ARMH3: variants seen among roughly 807,000 people sequenced by gnomAD.
The protein encoded by ARMH3 is armadillo-like helical domain-containing protein 3.
In ARMH3, 60 loss-of-function variants were observed where a neutral mutation model predicts 99.1. The observed-to-expected ratio is 0.61, with a 90% confidence interval of 0.49 to 0.75. The LOEUF is 0.75. Among genes scored for constraint, ARMH3 ranks in the 30% least tolerant of loss-of-function variants. ARMH3 has a pLI of 0.00. For synonymous variants in ARMH3, 285 were observed against 292.8 expected (o/e 0.97, Z 0.27); for missense variants, 679 against 843.1 (o/e 0.81, Z 2.41).
chr10:101,915,988 T>C (rs2135573380), intron 23 of ARMH3, among the ~76,000 whole-genome samples: 1 of 152,096 alleles, frequency 6.6e-6, no homozygotes, highest in East Asian at 1.9e-4. Context: ...GTATTTTTAG[T>C]AGAGACGGGG....
chr10:101,918,858 T>C (rs543244336), intron 23 of ARMH3, among the ~76,000 whole-genome samples: 60 of 152,208 alleles, frequency 3.9e-4, no homozygotes, highest in Non-Finnish European at 6.6e-4. Context: ...AGTAGAACAC[T>C]GATTTCTGAT....
chr10:102,032,736 C>A (rs529659497), intron 4 of ARMH3, among the ~76,000 whole-genome samples: 1 of 152,086 alleles, frequency 6.6e-6, no homozygotes, highest in East Asian at 1.9e-4. Context: ...TCATTCTTGC[C>A]TCAGTTTCCT....
At chr10:101,913,845 T>C (rs921602132) in intron 23 of ARMH3, among the ~76,000 whole-genome samples, 5 of 152,214 alleles carry the variant, frequency 3.3e-5, no homozygotes, top group African/African-American at 1.2e-4. Flanking sequence ...TAAGCAGTGG[T>C]CTGTCATCTC....
At chr10:101,946,613 C>A (rs915088172) in intron 22 of ARMH3, among the ~76,000 whole-genome samples, 1 of 151,838 alleles carries the variant, frequency 6.6e-6, no homozygotes, top group African/African-American at 2.4e-5. Flanking sequence ...TAATTAAATA[C>A]GAAGAATAGA....
At chr10:101,955,896 G>A (rs573963041) in intron 22 of ARMH3, among the ~76,000 whole-genome samples, 2 of 152,280 alleles carry the variant, frequency 1.3e-5, no homozygotes, top group African/African-American at 4.8e-5. Flanking sequence ...ATTAAAATGT[G>A]TGCAGTTTAT....
At chr10:102,021,666 G>A (rs1053079262) in intron 8 of ARMH3, among the ~76,000 whole-genome samples, 8 of 151,622 alleles carry the variant, frequency 5.3e-5, no homozygotes, top group African/African-American at 1.9e-4. Context: ...TTCTGCTTCA[G>A]CCTCCCGAGT....
At chr10:102,051,505 G>T (rs1294587086) in intron 1 of ARMH3, among the ~76,000 whole-genome samples, 1 of 151,210 alleles carries the variant, frequency 6.6e-6, no homozygotes, top group Middle Eastern at 3.2e-3. Context: ...GAAAAAGAAA[G>T]AAGTCAGTCA....
At chr10:102,036,207 G>A (rs2067261602) in intron 2 of ARMH3, among the ~76,000 whole-genome samples, 1 of 150,662 alleles carries the variant, frequency 6.6e-6, no homozygotes, top group Admixed American at 6.6e-5. Flanking sequence ...CGGGAGGGAA[G>A]TGGGGGGTCA....
intron 8 of ARMH3, among the ~76,000 whole-genome samples, chr10:102,019,756 T>A (rs1165611182): frequency 1.3e-5 from 2 of 151,198 alleles, no homozygotes; most frequent in African/African-American, 4.9e-5. Flanking sequence ...TGAAACCCCG[T>A]CTCTACTAAA....
chr10:101,963,916 G>A lies in ARMH3; in HGVS notation c.1496-6184C>T, dbSNP rs111480249. The stretch of plus-strand genomic sequence containing the variant: ...TTTTGAGACGGAGTCTTGCTCTGTC[G>A]CCCAGGCTGGACTGCAGTGGTGTGA... On this transcript the variant is annotated intron_variant, in intron 20 of 25. Coordinates refer to ENST00000370033, the MANE Select transcript of ARMH3 (RefSeq NM_024541.3). 1.3e-3 allele frequency among the ~76,000 whole-genome samples: 176 copies of A among 140,450 alleles called. 2 individuals carry two copies. The highest frequency in any genetic ancestry group is 4.6e-3 in the African/African-American group (171 of 37,002). 92.1% of individuals were successfully genotyped at this position (140,450 alleles called of 152,430 possible).
chr10:101,868,166 A>G (rs2067048660), intron 24 of ARMH3, among the ~76,000 whole-genome samples: 1 of 152,190 alleles, frequency 6.6e-6, no homozygotes, highest in African/African-American at 2.4e-5. Context: ...TAACAGACAC[A>G]ACATCAGAGG....
intron 20 of ARMH3, among the ~76,000 whole-genome samples, chr10:101,962,519 TGGCA>T (rs1845343678): frequency 6.6e-6 from 1 of 152,118 alleles, no homozygotes. Context: ...TGGTCATAAA[TGGCA>T]GGAAAGGTAA....
At chr10:101,989,968 C>A (rs1846701016) in intron 19 of ARMH3, among the ~76,000 whole-genome samples, 1 of 152,172 alleles carries the variant, frequency 6.6e-6, no homozygotes, top group Non-Finnish European at 1.5e-5. Context: ...TTGATTACAA[C>A]AGACCCCTGC....
chr10:101,907,385 G>GTTT (rs773919740), intron 23 of ARMH3, among the ~76,000 whole-genome samples: 1 of 136,880 alleles, frequency 7.3e-6, no homozygotes. Flanking sequence ...CTTTGTTTTT[G>GTTT]TTTTTTTTTT....
chr10:102,023,529 C>G lies in ARMH3; in HGVS notation c.617G>C (p.Gly206Ala). 6.2e-7 allele frequency: 1 copy of G among 1,614,076 alleles called. No homozygotes were observed. Among genetic ancestry groups the G allele is most frequent in the Non-Finnish European group, 8.5e-7 (1 of 1,180,010 alleles). Residue 206 changes from glycine (G) to alanine (A), a missense_variant, in exon 8 of 26, where the codon GGG becomes GCG. By Grantham distance (60) the Gly-to-Ala change is moderately conservative. Transcript: ENST00000370033. Reference sequence around the variant, plus strand: ...AGCCAAGAGGACGACAGCATCATACCCATGCTCCCTACGACTTGGGGGATG... The same window carrying G: ...AGCCAAGAGGACGACAGCATCATACGCATGCTCCCTACGACTTGGGGGATG... ...LSHPPSRREH[G>A]YDAVVLLALL...
chr10:101,929,648 T>C (rs1015438794), intron 23 of ARMH3, among the ~76,000 whole-genome samples: 19 of 152,132 alleles, frequency 1.2e-4, no homozygotes, highest in Admixed American at 6.5e-5. Context: ...AATTAAGATA[T>C]GTATGGTAAG....
intron 19 of ARMH3, among the ~76,000 whole-genome samples, chr10:101,976,521 G>A (rs1253806122): frequency 1.3e-5 from 2 of 151,792 alleles, no homozygotes; most frequent in Non-Finnish European, 2.9e-5. Context: ...AGGCGCCACT[G>A]ACGTCTTTCC....
rs546367052 is a variant in ARMH3 at position 101,924,674 on chromosome 10, A to C, written c.1781+15189T>G. ...CCAGCCTGCTTACATTTTCTTAATA[A>C]TAAGCAAGTAGCATTAAAATAAAAT... On this transcript the variant is annotated intron_variant, in intron 23 of 25. Transcript: ENST00000370033. Among the ~76,000 whole-genome samples the C allele has an allele frequency of 2.0e-5, 3 of 152,108 alleles. No individual in the cohort carries two copies. The East Asian group carries it at 5.8e-4, about 29-fold the overall frequency.
At chr10:101,871,616 A>G (rs1242151402) in intron 24 of ARMH3, among the ~76,000 whole-genome samples, 1 of 152,086 alleles carries the variant, frequency 6.6e-6, no homozygotes, top group African/African-American at 2.4e-5. Context: ...GGCGGGGGGG[A>G]AAGAACATTT....
Sources: allele counts gnomAD v4.1 joint callset (sites outside exome capture counted in the v4.1 genomes callset), GRCh38; gene constraint gnomAD v4.1.1; transcripts MANE v1.5; gene names NCBI Gene and HGNC (gene_info 2026-07-23, HGNC 2026-07-21).